BTN3A1: variants seen among roughly 807,000 people sequenced by gnomAD.
BTN3A1 encodes the protein dJ45P21.3 (butyrophilin, subfamily 3, member A1).
Under a neutral mutation model 43.0 loss-of-function variants are expected in BTN3A1, and 24 were observed. That is an observed-to-expected ratio of 0.56 (90% confidence interval 0.40 to 0.78). The LOEUF (loss-of-function observed/expected upper bound fraction) is 0.78, where lower values mean the gene tolerates loss of function less well. Ranked by LOEUF, BTN3A1 falls within the 30% of genes least tolerant of loss-of-function variation. BTN3A1 has a pLI of 0.00. For missense variants in BTN3A1, 533 were observed against 626.2 expected, an observed-to-expected ratio of 0.85 and a Z score of 1.59; for synonymous variants, 181 against 234.7, an observed-to-expected ratio of 0.77 and a Z score of 2.09.
In BTN3A1 at chr6:26,414,222, T is replaced by G; in HGVS notation, c.*530T>G. On this transcript the variant is annotated 3_prime_UTR_variant, in exon 10 of 10. Transcript: ENST00000289361. The stretch of plus-strand genomic sequence containing the variant: ...CAACTTACATAACTCATGCAGTAAT[T>G]TCTGCAGTTGGGAGATGTTCAGCTT... The G allele has an allele frequency of 5.9e-6, 1 of 169,208 alleles. No individual in the cohort carries two copies. The highest frequency in any genetic ancestry group is 1.3e-5 in the Non-Finnish European group (1 of 77,998). 10.5% of individuals were successfully genotyped at this position (169,208 alleles called of 1,614,324 possible).
intron 3 of BTN3A1, among the ~76,000 whole-genome samples, chr6:26,406,495 T>C (rs1762024203): frequency 6.6e-6 from 1 of 152,130 alleles, no homozygotes; most frequent in African/African-American, 2.4e-5. Flanking sequence ...ACCAGAGATA[T>C]AAGGGAAGTG....
chr6:26,410,436 C>G (rs1762170896), intron 7 of BTN3A1, among the ~76,000 whole-genome samples: 1 of 151,948 alleles, frequency 6.6e-6, no homozygotes, highest in Non-Finnish European at 1.5e-5. Flanking sequence ...TTCTCTATGG[C>G]AGGAACTTCA....
At chr6:26,411,219 T>G in intron 8 of BTN3A1, 84 bp downstream of exon 8, 1 of 1,496,224 alleles carries the variant, frequency 6.7e-7, no homozygotes, top group Non-Finnish European at 9.1e-7. Flanking sequence ...CCCATTGATG[T>G]TCTCATTTGC....
At chr6:26,411,735 T>A (rs12214976) in intron 9 of BTN3A1, 154 bp downstream of exon 9, 153,845 of 944,098 alleles carry the variant, frequency 0.16, 13,173 homozygotes, top group South Asian at 0.23. Context: ...ATCTGAAAAG[T>A]GGGCCCATCT....
chr6:26,411,461 GA>G, intron 8 of BTN3A1, 93 bp from the exon 9 acceptor site: 1 of 1,456,364 alleles, frequency 6.9e-7, no homozygotes, highest in Non-Finnish European at 9.5e-7. Context: ...AGACTCTGAA[GA>G]AAAGGAGAGA....
At position 26,405,498 on chromosome 6, in the gene BTN3A1, C is replaced by A; in HGVS notation, c.-66C>A. 1 of 1,475,576 alleles carries A rather than the reference C, an allele frequency of 6.8e-7. No homozygotes were observed. Among genetic ancestry groups the A allele is most frequent in the Non-Finnish European group, 9.5e-7 (1 of 1,054,628 alleles). 91.4% of individuals were successfully genotyped at this position (1,475,576 alleles called of 1,614,324 possible). On this transcript the variant is annotated 5_prime_UTR_variant, in exon 2 of 10. Coordinates refer to ENST00000289361, the MANE Select transcript of BTN3A1 (RefSeq NM_007048.6). ...GAAGTGGAGGTTTCCATTTGGAATT[C>A]TATAGCTTCTTCCAGGTCATAGTGT...
rs1025008914 is a variant in BTN3A1 at position 26,407,753 on chromosome 6, C to T, written c.516C>T (p.Tyr172=). Residue 172 remains tyrosine (Y), a synonymous_variant, in exon 4 of 10, where the codon TAC becomes TAT. Transcript: ENST00000289361. ...IHLECRSTGW[Y]PQPQIQWSNN... ...TGGAGTGCAGGTCCACTGGCTGGTA[C>T]CCCCAACCCCAAATACAGTGGAGCA... 6.2e-7 allele frequency: 1 copy of T among 1,614,170 alleles called. No individual in the cohort carries two copies. The highest frequency in any genetic ancestry group is 1.7e-5 in the Admixed American group (1 of 60,016).
rs774819205 is a variant in BTN3A1 at position 26,405,657 on chromosome 6, C to A, written c.85+9C>A. The stretch of plus-strand genomic sequence containing the variant: ...GCTCATGCCTCACTCAGGTAGGGAA[C>A]AATTCCACGCTTGTTTCTGAAGCAG... On this transcript the variant is annotated intron_variant, in intron 2 of 9. Coordinates refer to ENST00000289361, the MANE Select transcript of BTN3A1 (RefSeq NM_007048.6). The A allele has an allele frequency of 6.2e-7, 1 of 1,613,828 alleles. No individual in the cohort carries two copies. The highest frequency in any genetic ancestry group is 8.5e-7 in the Non-Finnish European group (1 of 1,179,718).
In BTN3A1 at chr6:26,413,726, G is replaced by A. The variant is rs769327677; in HGVS notation, c.*34G>A. 4.3e-6 allele frequency: 7 copies of A among 1,609,428 alleles called. No individual in the cohort carries two copies. Among genetic ancestry groups the A allele is most frequent in the African/African-American group, 1.3e-5 (1 of 74,914 alleles). On this transcript the variant is annotated 3_prime_UTR_variant, in exon 10 of 10. Coordinates refer to ENST00000289361, the MANE Select transcript of BTN3A1 (RefSeq NM_007048.6). ...AGAGAGTTCCTCCAATTCTGACCGA[G>A]TGCTGATCATTCCCTAGAGACACCA...
intron 2 of BTN3A1, 49 bp downstream of exon 2, chr6:26,405,697 A>G (rs752290795): frequency 1.2e-6 from 2 of 1,606,316 alleles, no homozygotes; most frequent in East Asian, 4.5e-5. Flanking sequence ...TTACCTAATT[A>G]TGTCCTCATA....
Position 26,415,084 on chromosome 6 carries a change from C to T in BTN3A1, c.*1392C>T, listed in dbSNP as rs1038480801. The T allele has an allele frequency of 4.6e-5, 7 of 152,212 alleles. No homozygotes were observed. The highest frequency in any genetic ancestry group is 1.0e-4 in the Non-Finnish European group (7 of 68,032). The allele number at this position is 152,212 out of a possible 1,614,324, so 9.4% of individuals were successfully genotyped here. A position where few individuals can be genotyped will look rare whatever the true frequency, so the allele number is the denominator to read the frequency against. On this transcript the variant is annotated 3_prime_UTR_variant, in exon 10 of 10. Transcript: ENST00000289361. ...GATGTTAAACCAATATTCCTTTCAA[C>T]TGCTGCCTGCTAGGGAAAAACTACT...
At chr6:26,406,469 C>T (rs2113789780) in intron 3 of BTN3A1, among the ~76,000 whole-genome samples, 1 of 152,216 alleles carries the variant, frequency 6.6e-6, no homozygotes, top group Non-Finnish European at 1.5e-5. Flanking sequence ...AAGTAAAGAA[C>T]TCCTTTCCTC....
At position 26,409,658 on chromosome 6, in the gene BTN3A1, T is replaced by G. The variant is rs1222143848; in HGVS notation, c.841T>G (p.Phe281Val). Reference protein sequence around the residue: ...WQQQEEKKTQFRKKKREQELR... With the variant: ...WQQQEEKKTQVRKKKREQELR... Reference sequence around the variant, plus strand: ...ACAGCAGGAGGAAAAAAAGACTCAGTTCAGAAAGAAAAAGAGAGAGCAAGA... The same window carrying G: ...ACAGCAGGAGGAAAAAAAGACTCAGGTCAGAAAGAAAAAGAGAGAGCAAGA... The change falls in exon 5 of 10, where the codon TTC becomes GTC. Residue 281 changes from phenylalanine to valine, a missense_variant. Around this residue, in one of 4 missense-constraint regions of BTN3A1, gnomAD observed 415 missense variants for 427.0 expected, o/e 0.97. Transcript: ENST00000289361. The G allele has an allele frequency of 6.2e-7, 1 of 1,601,564 alleles. No individual in the cohort carries two copies. Among genetic ancestry groups the G allele is most frequent in the South Asian group, 1.1e-5 (1 of 90,650 alleles).
intron 8 of BTN3A1, 56 bp from the exon 9 acceptor site, chr6:26,411,499 T>TG: frequency 1.3e-6 from 2 of 1,576,476 alleles, no homozygotes; most frequent in Non-Finnish European, 1.7e-6. Flanking sequence ...GAGAGTGCAG[T>TG]GGGGAAAAGT....
rs534471935 is a variant in BTN3A1 at position 26,413,857 on chromosome 6, A to G, written c.*165A>G. The G allele has an allele frequency of 2.3e-6, 3 of 1,293,254 alleles. No homozygotes were observed. In the Admixed American group the frequency reaches 6.0e-5, roughly 26 times the overall value. 80.1% of individuals were successfully genotyped at this position (1,293,254 alleles called of 1,614,324 possible). A position where few individuals can be genotyped will look rare whatever the true frequency, so the allele number is the denominator to read the frequency against. ...GCTGAGGGCCTCCCCCTCCACAGCA[A>G]CCAATCACAACCATAAAGCTACAAG... On this transcript the variant is annotated 3_prime_UTR_variant, in exon 10 of 10. Transcript: ENST00000289361.
chr6:26,408,693 A>G (rs1762103153), intron 4 of BTN3A1, among the ~76,000 whole-genome samples: 1 of 152,248 alleles, frequency 6.6e-6, no homozygotes, highest in East Asian at 1.9e-4. Context: ...TTTTTATAGC[A>G]CTGATTATGA....
At position 26,412,414 on chromosome 6, in the gene BTN3A1, C is replaced by T. The variant is rs181798750; in HGVS notation, c.1019-755C>T. ...TTCTCCTTCCAATCTCCTATCAGGG[C>T]CTCCCATTGGCCAAACCCAACAGCA... is the stretch of plus-strand genomic sequence containing the variant. On this transcript the variant is annotated intron_variant, in intron 9 of 9. Coordinates refer to ENST00000289361, the MANE Select transcript of BTN3A1 (RefSeq NM_007048.6). The T allele has an allele frequency of 4.6e-5, 45 of 975,166 alleles. No homozygotes were observed. In the African/African-American group the frequency reaches 6.2e-4, roughly 13 times the overall value. The allele number at this position is 975,166 out of a possible 1,614,324, so 60.4% of individuals were successfully genotyped here.
Position 26,411,540 on chromosome 6 carries a change from T to C in BTN3A1, c.992-15T>C, listed in dbSNP as rs1279421625. On this transcript the variant is annotated splice_polypyrimidine_tract_variant and intron_variant, in intron 8 of 9. Coordinates refer to ENST00000289361, the MANE Select transcript of BTN3A1 (RefSeq NM_007048.6). ...AATACTGACCTTTTCCTTATCTGTG[T>C]CTCCTTCCTTTCAGAATGGAAAAAG... is the stretch of plus-strand genomic sequence containing the variant. 1 of 1,613,172 alleles carries C rather than the reference T, an allele frequency of 6.2e-7. No individual in the cohort carries two copies. Among genetic ancestry groups the C allele is most frequent in the Non-Finnish European group, 8.5e-7 (1 of 1,179,456 alleles).
At chr6:26,412,614 G>C (rs1197374322) in intron 9 of BTN3A1, 38 of 1,547,442 alleles carry the variant, frequency 2.5e-5, no homozygotes, top group Non-Finnish European at 3.3e-5. Context: ...GGAAGATGAG[G>C]AGCTTCCTTC....
Sources: allele counts gnomAD v4.1 joint callset (sites outside exome capture counted in the v4.1 genomes callset), GRCh38; gene constraint gnomAD v4.1.1; regional missense constraint gnomAD v4.1.1; transcripts MANE v1.5; gene names NCBI Gene and HGNC (gene_info 2026-07-23, HGNC 2026-07-21).